The following MICAL3 variants were observed in gnomAD, a reference collection of about 807,000 sequenced individuals.
MICAL3 encodes [F-actin]-monooxygenase MICAL3.
In MICAL3, 62 loss-of-function variants were observed where a neutral mutation model predicts 207.4. The ratio of observed to expected loss-of-function variants is 0.30; its 90% CI spans 0.24 to 0.37. The LOEUF is 0.37. Ranked by LOEUF, MICAL3 falls within the 10% of genes least tolerant of loss-of-function variation. MICAL3 has a pLI of 1.00. For missense variants in MICAL3, 2,368 were observed against 2,635.6 expected, an observed-to-expected ratio of 0.90 and a Z score of 2.22; for synonymous variants, 1,077 against 1,069.3, an observed-to-expected ratio of 1.01 and a Z score of -0.14.
intron 19 of MICAL3, among the ~76,000 whole-genome samples, chr22:17,850,380 G>A (rs1925175962): frequency 7.1e-6 from 1 of 140,402 alleles, no homozygotes; most frequent in South Asian, 2.3e-4. Flanking sequence ...TGACCCTGTG[G>A]AACTTTTGCT....
chr22:17,830,853 C>G (rs144627166), intron 21 of MICAL3, among the ~76,000 whole-genome samples: 1,713 of 152,324 alleles, frequency 0.011, 17 homozygotes, highest in Non-Finnish European at 0.018. Context: ...TTCTGCTAAC[C>G]CACCTCACTG....
chr22:17,816,094 G>A lies in MICAL3; in HGVS notation c.5445+596C>T, dbSNP rs917514793. Among the ~76,000 whole-genome samples, 132 of 152,328 alleles carry A rather than the reference G, an allele frequency of 8.7e-4. 1 individual carries two copies. Among genetic ancestry groups the A allele is most frequent in the African/African-American group, 2.4e-3 (99 of 41,560 alleles). On this transcript the variant is annotated intron_variant, in intron 27 of 31. Coordinates refer to ENST00000441493, the MANE Select transcript of MICAL3 (RefSeq NM_015241.3). ...GCTCCGCCCACCCTGTATGCTGACA[G>A]GTGCCTGTTAGAGTGTGCTCTGATT...
chr22:18,000,941 C>T (rs1922909697), intron 1 of MICAL3: 1 of 152,172 alleles, frequency 6.6e-6, no homozygotes, highest in African/African-American at 2.4e-5. Flanking sequence ...CCGGTAAAGA[C>T]AGAGACCTCC....
At chr22:17,874,957 C>T (rs1270735367) in intron 16 of MICAL3, among the ~76,000 whole-genome samples, 2 of 152,240 alleles carry the variant, frequency 1.3e-5, no homozygotes, top group African/African-American at 4.8e-5. Context: ...TCCAATCTCT[C>T]TAGAAACTCC....
At chr22:17,893,748 T>C (rs1354153372) in intron 11 of MICAL3, 60 bp downstream of exon 11, 1 of 1,209,910 alleles carries the variant, frequency 8.3e-7, no homozygotes, top group Non-Finnish European at 1.2e-6. Context: ...GCTCAGGGAA[T>C]GAGTATAGAC....
intron 19 of MICAL3, among the ~76,000 whole-genome samples, chr22:17,844,802 G>T (rs1924461775): frequency 6.6e-6 from 1 of 152,204 alleles, no homozygotes; most frequent in Admixed American, 6.5e-5. Context: ...AGGGCATCTT[G>T]AAGATGAGGA....
intron 1 of MICAL3, among the ~76,000 whole-genome samples, chr22:18,023,064 A>G (rs1481050142): frequency 6.6e-6 from 1 of 152,026 alleles, no homozygotes; most frequent in Admixed American, 6.6e-5. Context: ...ACAGTTGCAT[A>G]CCCTGCCCTC....
chr22:17,887,006 AAAAAAAAAAAGAAAATAAAAAAAAG>A (rs1929966428), intron 15 of MICAL3, among the ~76,000 whole-genome samples, 139 bp downstream of exon 15: 1 of 149,192 alleles, frequency 6.7e-6, no homozygotes, highest in Non-Finnish European at 1.5e-5. Flanking sequence ...AAAAAAAAAA[AAAAAAAAAAAGAAAATAAAAAAAAG>A]AAAAGAAAAA....
chr22:17,887,540 C>T (rs5747391), intron 13 of MICAL3, 105 bp from the exon 14 acceptor site: 149 of 678,010 alleles, frequency 2.2e-4, no homozygotes, highest in East Asian at 1.8e-3. Flanking sequence ...CCTCAGAAGG[C>T]TCTAAAGGTT....
intron 1 of MICAL3, among the ~76,000 whole-genome samples, chr22:17,954,637 T>C (rs1360174438): frequency 6.6e-6 from 1 of 152,160 alleles, no homozygotes; most frequent in Non-Finnish European, 1.5e-5. Flanking sequence ...CGTTAAACCA[T>C]GCCTGGAACA....
intron 19 of MICAL3, among the ~76,000 whole-genome samples, chr22:17,857,609 A>C (rs1253525280): frequency 6.6e-6 from 1 of 152,248 alleles, no homozygotes; most frequent in East Asian, 1.9e-4. Flanking sequence ...AGAAGCACAA[A>C]GAGCTGGGTA....
Position 17,796,822 on chromosome 22 carries a change from C to G in MICAL3, c.5651-5521G>C, listed in dbSNP as rs1601916970. 6.6e-6 allele frequency among the ~76,000 whole-genome samples: 1 copy of G among 152,346 alleles called. No individual in the cohort carries two copies. Among genetic ancestry groups the G allele is most frequent in the East Asian group, 1.9e-4 (1 of 5,180 alleles). ...TTCCTAAGTCGGGGTACCCCCTACA[C>G]TACCACCTGGCCCTTGGCGCACCCG... is the stretch of plus-strand genomic sequence containing the variant. On this transcript the variant is annotated intron_variant, in intron 29 of 31. Transcript: ENST00000441493. This position sits in a 1 kb window ranked among gnomAD's most constrained non-coding sequence, Gnocchi z 4.4.
chr22:17,843,157 C>T (rs980240332), intron 19 of MICAL3, among the ~76,000 whole-genome samples: 29 of 151,540 alleles, frequency 1.9e-4, no homozygotes, highest in African/African-American at 7.0e-4. Flanking sequence ...CATCACTCCT[C>T]CTCCACTACC....
chr22:17,822,659 A>C lies in MICAL3; in HGVS notation c.3307+288T>G, dbSNP rs540395083. On this transcript the variant is annotated intron_variant, in intron 23 of 31. Coordinates refer to ENST00000441493, the MANE Select transcript of MICAL3 (RefSeq NM_015241.3). ...ACAACCAGACTGCGATGCAGAACCCATCTCCAGGTATGTAGCTTTGGGAGC... is the reference window on the plus strand; with the variant it reads ...ACAACCAGACTGCGATGCAGAACCCCTCTCCAGGTATGTAGCTTTGGGAGC... Among the ~76,000 whole-genome samples, 5 of 152,260 alleles carry C rather than the reference A, an allele frequency of 3.3e-5. No individual in the cohort carries two copies. The East Asian group carries it at 9.7e-4, about 29-fold the overall frequency.
rs946305098 is a variant in MICAL3, at chr22:17,951,937, T to C, written c.-74-45051A>G. 2.6e-5 allele frequency among the ~76,000 whole-genome samples: 4 copies of C among 152,266 alleles called. No individual in the cohort carries two copies. In the South Asian group the frequency reaches 8.3e-4, roughly 32 times the overall value. On this transcript the variant is annotated intron_variant, in intron 1 of 31. Transcript: ENST00000441493. Reference sequence around the variant, plus strand: ...GTCTCGAACTCCTGGCCTCAAGTGATCCGCCCGCCTCGGCCTCCCAAAGTG... The same window carrying C: ...GTCTCGAACTCCTGGCCTCAAGTGACCCGCCCGCCTCGGCCTCCCAAAGTG...
At chr22:17,842,435 C>T (rs1924116854) in intron 19 of MICAL3, 1 of 185,234 alleles carries the variant, frequency 5.4e-6, no homozygotes, top group Admixed American at 5.4e-5. Flanking sequence ...CACCAGGTGC[C>T]TCCCCCAATG....
intron 1 of MICAL3, among the ~76,000 whole-genome samples, chr22:17,971,372 G>A (rs1359736687): frequency 6.6e-6 from 1 of 151,882 alleles, no homozygotes; most frequent in Non-Finnish European, 1.5e-5. Flanking sequence ...GGAGGCTGAG[G>A]CCTCCTCAGC....
chr22:17,873,237 G>A (rs1243949712), intron 16 of MICAL3, among the ~76,000 whole-genome samples: 10 of 152,214 alleles, frequency 6.6e-5, no homozygotes, highest in South Asian at 2.1e-4. Flanking sequence ...CACAGAACTC[G>A]AGGGGCACCC....
At chr22:17,969,414 C>T (rs183803463) in intron 1 of MICAL3, among the ~76,000 whole-genome samples, 67 of 152,270 alleles carry the variant, frequency 4.4e-4, no homozygotes, top group African/African-American at 1.4e-3. Context: ...GCAGTTTGTC[C>T]GCAGATCGTG....
Sources: gnomAD v4.1 joint callset for allele counts (sites outside exome capture counted in the v4.1 genomes callset) on GRCh38, gnomAD v4.1.1 for gene constraint, Gnocchi (gnomAD v3.1) non-coding constraint, MANE v1.5 for transcripts, NCBI Gene and HGNC (gene_info 2026-07-23, HGNC 2026-07-21) for gene names.